Variants in ETFB observed in about 807,000 individuals in gnomAD.
The protein encoded by ETFB is electron transfer flavoprotein subunit beta, also known as beta-ETF.
In ETFB, 20 loss-of-function variants were observed where a neutral mutation model predicts 25.6. The ratio of observed to expected loss-of-function variants is 0.78; its 90% CI spans 0.55 to 1.14. The LOEUF (loss-of-function observed/expected upper bound fraction) is 1.14, where lower values mean the gene tolerates loss of function less well. Ranked by LOEUF, ETFB falls within the 50% of genes most tolerant of loss-of-function variation. The pLI is 0.00. For synonymous variants in ETFB, 142 were observed against 146.7 expected (o/e 0.97, Z 0.23); for missense variants, 286 against 342.6 (o/e 0.83, Z 1.30).
chr19:51,362,708 G>A (rs1986261842), intron 1 of ETFB, among the ~76,000 whole-genome samples: 1 of 152,150 alleles, frequency 6.6e-6, no homozygotes, highest in African/African-American at 2.4e-5. Context: ...GCTTAGAGTG[G>A]TGAAGCAATT....
intron 3 of ETFB, 100 bp from the exon 4 acceptor site, chr19:51,350,491 T>G: frequency 1.4e-6 from 1 of 706,252 alleles, no homozygotes; most frequent in African/African-American, 1.8e-5. Flanking sequence ...TTTCTTTCTT[T>G]TTTTTCTTTT....
chr19:51,346,642 T>C, intron 5 of ETFB: 1 of 492,860 alleles, frequency 2.0e-6, no homozygotes, highest in South Asian at 2.6e-5. Flanking sequence ...GAACACCTTC[T>C]GCTGCCCAGC....
At chr19:51,357,655 A>T (rs1275487816) in intron 1 of ETFB, among the ~76,000 whole-genome samples, 1 of 148,788 alleles carries the variant, frequency 6.7e-6, no homozygotes, top group Non-Finnish European at 1.5e-5. Context: ...ACGCCCAGCT[A>T]ATTTTTTGTA....
intron 1 of ETFB, among the ~76,000 whole-genome samples, chr19:51,357,335 A>G (rs1039959503): frequency 2.4e-4 from 36 of 150,682 alleles, no homozygotes; most frequent in Non-Finnish European, 5.3e-4. Flanking sequence ...CGGCCTCCCA[A>G]AGTGCTGGGA....
intron 3 of ETFB, 95 bp downstream of exon 3, chr19:51,353,037 G>A (rs892697912): frequency 1.4e-5 from 21 of 1,499,218 alleles, no homozygotes; most frequent in African/African-American, 6.9e-5. Flanking sequence ...TGAATGCCCT[G>A]GGCCTGGCCA....
chr19:51,345,426 C>G, intron 5 of ETFB, 45 bp from the exon 6 acceptor site: 1 of 1,597,752 alleles, frequency 6.3e-7, no homozygotes. Flanking sequence ...GAACTCCTGC[C>G]ACCCTTCCTG....
chr19:51,346,657 G>C (rs991858058), intron 5 of ETFB: 2 of 528,028 alleles, frequency 3.8e-6, no homozygotes, highest in Non-Finnish European at 6.8e-6. Flanking sequence ...CCCAGCGAAG[G>C]CTTTCTACTG....
At chr19:51,346,811 C>T (rs1599838386) in intron 5 of ETFB, 89 bp downstream of exon 5, 1 of 1,327,598 alleles carries the variant, frequency 7.5e-7, no homozygotes, top group East Asian at 2.5e-5. Flanking sequence ...TTGGATCCTT[C>T]CCTCCCCACG....
intron 1 of ETFB, among the ~76,000 whole-genome samples, chr19:51,361,989 A>C (rs1324967196): frequency 6.6e-6 from 1 of 152,008 alleles, no homozygotes; most frequent in Non-Finnish European, 1.5e-5. Context: ...GGCGTGAGCC[A>C]CCAGGCCCAG....
At chr19:51,358,837 A>AC (rs1568469603) in intron 1 of ETFB, among the ~76,000 whole-genome samples, 28 of 122,662 alleles carry the variant, frequency 2.3e-4, no homozygotes, top group African/African-American at 1.0e-3. Context: ...ACAACAAAAA[A>AC]AAAAAAAAAA....
At position 51,353,323 on chromosome 19, in the gene ETFB, T is replaced by C. The variant is rs765725482; in HGVS notation, c.217-33A>G. 39 of 1,613,202 alleles carry C rather than the reference T, an allele frequency of 2.4e-5. No homozygotes were observed. In the East Asian group the frequency reaches 8.7e-4, roughly 36 times the overall value. The stretch of plus-strand genomic sequence containing the variant: ...GGACAGAGGGGCTTGACTTGGCTGC[T>C]ATCCTCAGGGGGACCTAGGAGTCTG... On this transcript the variant is annotated intron_variant, in intron 2 of 5. Coordinates refer to ENST00000309244, the MANE Select transcript of ETFB (RefSeq NM_001985.3).
intron 1 of ETFB, among the ~76,000 whole-genome samples, chr19:51,362,439 G>T (rs147353845): frequency 6.7e-6 from 1 of 150,066 alleles, no homozygotes; most frequent in Non-Finnish European, 1.5e-5. Context: ...TTAGCCAGGC[G>T]TGGTGGCTCA....
intron 5 of ETFB, 89 bp downstream of exon 5, chr19:51,346,811 C>A: frequency 7.5e-7 from 1 of 1,327,596 alleles, no homozygotes; most frequent in South Asian, 1.3e-5. Flanking sequence ...TTGGATCCTT[C>A]CCTCCCCACG....
chr19:51,347,297 C>G (rs1985822190), intron 4 of ETFB: 3 of 548,478 alleles, frequency 5.5e-6, no homozygotes, highest in Non-Finnish European at 6.6e-6. Flanking sequence ...CCAGTGAGGC[C>G]TCCCTGCCTT....
chr19:51,346,932 C>T lies in ETFB; in HGVS notation c.565G>A (p.Glu189Lys), dbSNP rs376065198. 1.2e-4 allele frequency: 182 copies of T among 1,573,374 alleles called. No homozygotes were observed. Among genetic ancestry groups the T allele is most frequent in the Non-Finnish European group, 3.2e-5 (37 of 1,159,454 alleles). ...AVVTADLRLN[E>K]PRYATLPNIM... ...TTGGGCAGCGTGGCGTAGCGGGGCT[C>T]GTTGAGCCTCAGGTCAGCTGTCACC... Residue 189 changes from glutamate to lysine, a missense_variant, in exon 5 of 6, where the codon GAG (glutamate) becomes AAG (lysine). Transcript: ENST00000309244.
chr19:51,366,170 G>C, intron 1 of ETFB, 100 bp downstream of exon 1: 1 of 1,194,578 alleles, frequency 8.4e-7, no homozygotes, highest in Non-Finnish European at 1.2e-6. Flanking sequence ...AAGCGGCAGA[G>C]GTCGGGGGTT....
rs1383459610 is a variant in ETFB at position 51,346,953 on chromosome 19, T to C, written c.544A>G (p.Thr182Ala). The C allele has an allele frequency of 6.3e-7, 1 of 1,595,738 alleles. No homozygotes were observed. The highest frequency in any genetic ancestry group is 1.3e-5 in the African/African-American group (1 of 74,668). The part of the protein sequence containing the change: ...TLRLKLPAVV[T>A]ADLRLNEPRY... ...GGCTCGTTGAGCCTCAGGTCAGCTG[T>C]CACCACAGCTGGCAGCTTCAGGCGC... is the stretch of plus-strand genomic sequence containing the variant. Residue 182 changes from threonine (T) to alanine (A), a missense_variant, in exon 5 of 6, where the codon ACA becomes GCA. Transcript: ENST00000309244.
intron 1 of ETFB, among the ~76,000 whole-genome samples, chr19:51,359,993 G>A (rs776270605): frequency 9.9e-5 from 15 of 151,978 alleles, no homozygotes; most frequent in Non-Finnish European, 8.8e-5. Context: ...TAGCCTGGGT[G>A]ACAGAGCTAG....
At chr19:51,361,324 G>A (rs1489537541) in intron 1 of ETFB, among the ~76,000 whole-genome samples, 6 of 152,198 alleles carry the variant, frequency 3.9e-5, no homozygotes, top group African/African-American at 9.7e-5. Flanking sequence ...AGGCTTTTCT[G>A]TCAAGCGAGT....
Sources: allele counts gnomAD v4.1 joint callset (sites outside exome capture counted in the v4.1 genomes callset), GRCh38; gene constraint gnomAD v4.1.1; transcripts MANE v1.5; gene names NCBI Gene and HGNC (gene_info 2026-07-23, HGNC 2026-07-21).